Variants in TRDN observed in about 807,000 individuals in gnomAD.
The protein encoded by TRDN is triadin, also known as triadin in skeletal muscle.
Under a neutral mutation model 149.7 loss-of-function variants are expected in TRDN, and 161 were observed. That is an observed-to-expected ratio of 1.08 (90% CI 0.95 to 1.23). TRDN has a LOEUF of 1.23. TRDN is among the 50% of genes most tolerant of loss of function. TRDN has a pLI of 0.00. For synonymous variants in TRDN, 294 were observed against 250.5 expected (o/e 1.17, Z -1.64); for missense variants, 896 against 823.5 (o/e 1.09, Z -1.08).
At chr6:123,529,376 G>T in intron 5 of TRDN, 1 of 1,543,342 alleles carries the variant, frequency 6.5e-7, no homozygotes, top group Admixed American at 2.0e-5. Context: ...ATATAAATAG[G>T]TTTCAACTGA....
rs191944360 is a variant in TRDN, at chr6:123,315,567, T to G, written c.1510+890A>C. On this transcript the variant is annotated intron_variant, in intron 24 of 40. Transcript: ENST00000334268. ...AGATTAAAATTTGTGCAAATGAATATATGCAAAAATTTTTAGACCAACATC... is the reference window on the plus strand; with the variant it reads ...AGATTAAAATTTGTGCAAATGAATAGATGCAAAAATTTTTAGACCAACATC... 3.1e-3 allele frequency among the ~76,000 whole-genome samples: 465 copies of G among 152,056 alleles called. 2 individuals are homozygous for G. Among genetic ancestry groups the G allele is most frequent in the Non-Finnish European group, 5.7e-3 (385 of 67,908 alleles).
chr6:123,588,479 C>T (rs1035489660), intron 1 of TRDN, among the ~76,000 whole-genome samples: 8 of 152,056 alleles, frequency 5.3e-5, no homozygotes, highest in African/African-American at 1.7e-4. Flanking sequence ...TTTGGAGTTC[C>T]CTGGGCAGAG....
intron 4 of TRDN, among the ~76,000 whole-genome samples, chr6:123,545,194 T>C (rs932061161): frequency 3.3e-5 from 5 of 151,920 alleles, no homozygotes; most frequent in African/African-American, 1.2e-4. Context: ...TGTGTAAAAA[T>C]CAAATGTTTT....
intron 12 of TRDN, among the ~76,000 whole-genome samples, chr6:123,421,250 T>C (rs1250074822): frequency 6.6e-6 from 1 of 152,184 alleles, no homozygotes; most frequent in Non-Finnish European, 1.5e-5. Context: ...GTCACCAGCA[T>C]TGTTGTAATT....
intron 12 of TRDN, among the ~76,000 whole-genome samples, chr6:123,396,510 A>T (rs1281796006): frequency 6.6e-6 from 1 of 152,244 alleles, no homozygotes; most frequent in African/African-American, 2.4e-5. Context: ...TAATTCTGAA[A>T]TTGATAAATA....
intron 7 of TRDN, among the ~76,000 whole-genome samples, chr6:123,508,990 TA>T (rs1779047252): frequency 6.6e-6 from 1 of 151,852 alleles, no homozygotes; most frequent in African/African-American, 2.4e-5. Flanking sequence ...CATACACATA[TA>T]AAATAAAAAT....
At position 123,547,338 on chromosome 6, in the gene TRDN, A is replaced by G. The variant is rs902840843; in HGVS notation, c.424+2T>C. The G allele has an allele frequency of 2.3e-5, 33 of 1,455,840 alleles. No individual in the cohort carries two copies. Among genetic ancestry groups the G allele is most frequent in the Non-Finnish European group, 3.0e-5 (33 of 1,096,144 alleles). The allele number at this position is 1,455,840 out of a possible 1,614,324, so 90.2% of individuals were successfully genotyped here. On this transcript the variant is annotated splice_donor_variant, in intron 4 of 40. Transcript: ENST00000334268. LOFTEE classifies it high-confidence loss of function. ...TTATTATCAAAGGTGAAAACAACTA[A>G]CCTTTTTTTCTCAAGGGAGGCTCAT...
At chr6:123,340,481 A>G (rs886133805) in intron 21 of TRDN, among the ~76,000 whole-genome samples, 1 of 152,080 alleles carries the variant, frequency 6.6e-6, no homozygotes, top group Non-Finnish European at 1.5e-5. Context: ...GAACAAAAAA[A>G]GAAAGTGAAA....
chr6:123,393,557 T>G, intron 13 of TRDN, 67 bp downstream of exon 13: 1 of 1,452,278 alleles, frequency 6.9e-7, no homozygotes, highest in Non-Finnish European at 9.3e-7. Flanking sequence ...CAGCTTTTGC[T>G]TTTGTCAATA....
At chr6:123,460,572 G>A (rs1776392165) in intron 10 of TRDN, among the ~76,000 whole-genome samples, 1 of 151,898 alleles carries the variant, frequency 6.6e-6, no homozygotes, top group African/African-American at 2.4e-5. Context: ...TTGACCTGAA[G>A]TTCAATAAAA....
rs1453001428 is a variant in TRDN, at chr6:123,224,246, G to A, written c.1976-115C>T. On this transcript the variant is annotated intron_variant, in intron 38 of 40. Coordinates refer to ENST00000334268, the MANE Select transcript of TRDN (RefSeq NM_006073.4). Reference sequence around the variant, plus strand: ...CAAGATCCCTGAATCTACAAACTCAGCATCTACAGTCTCCATAAATAAGAG... The same window carrying A: ...CAAGATCCCTGAATCTACAAACTCAACATCTACAGTCTCCATAAATAAGAG... 8 of 930,596 alleles carry A rather than the reference G, an allele frequency of 8.6e-6. No homozygotes were observed. In the Admixed American group the frequency reaches 1.5e-4, roughly 18 times the overall value. The allele number at this position is 930,596 out of a possible 1,614,324, so 57.6% of individuals were successfully genotyped here.
intron 38 of TRDN, among the ~76,000 whole-genome samples, chr6:123,242,006 C>A (rs1437187113): frequency 6.6e-6 from 1 of 152,152 alleles, no homozygotes; most frequent in African/African-American, 2.4e-5. Flanking sequence ...TGTTGACTCC[C>A]AGACTACAGC....
intron 38 of TRDN, among the ~76,000 whole-genome samples, chr6:123,226,211 C>G (rs912390345): frequency 6.6e-6 from 1 of 151,806 alleles, no homozygotes; most frequent in African/African-American, 2.4e-5. Flanking sequence ...GCTTAATCAA[C>G]TGCTATAAAT....
intron 20 of TRDN, among the ~76,000 whole-genome samples, chr6:123,358,777 C>T (rs2114328097): frequency 6.6e-6 from 1 of 152,222 alleles, no homozygotes; most frequent in Admixed American, 6.5e-5. Context: ...GCCACCGCGC[C>T]CAGCCTAGTA....
At chr6:123,513,871 T>C (rs1047070430) in intron 6 of TRDN, among the ~76,000 whole-genome samples, 1 of 152,078 alleles carries the variant, frequency 6.6e-6, no homozygotes, top group Non-Finnish European at 1.5e-5. Flanking sequence ...TAATGTGTTC[T>C]ACCTAACTGG....
intron 20 of TRDN, among the ~76,000 whole-genome samples, chr6:123,364,809 T>C (rs1210709665): frequency 2.6e-5 from 4 of 152,180 alleles, no homozygotes; most frequent in African/African-American, 9.7e-5. Context: ...GTCCACTTAC[T>C]GGGCCCATGA....
chr6:123,251,307 C>T (rs762703078), intron 38 of TRDN, among the ~76,000 whole-genome samples: 19 of 151,908 alleles, frequency 1.3e-4, no homozygotes, highest in Non-Finnish European at 1.8e-4. Context: ...CTTCTCTATC[C>T]AATGCTGTAG....
At chr6:123,411,696 T>A (rs1455363663) in intron 12 of TRDN, 1 of 152,132 alleles carries the variant, frequency 6.6e-6, no homozygotes, top group Non-Finnish European at 1.5e-5. Context: ...ACTTTCCCCA[T>A]CCCCTCTACC....
chr6:123,586,341 G>A (rs956853012), intron 1 of TRDN, among the ~76,000 whole-genome samples: 4 of 152,212 alleles, frequency 2.6e-5, no homozygotes, highest in Admixed American at 6.5e-5. Flanking sequence ...TCGGCCTGGC[G>A]AGGAGGGGAG....
Sources: allele counts gnomAD v4.1 joint callset (sites outside exome capture counted in the v4.1 genomes callset), GRCh38; gene constraint gnomAD v4.1.1; transcripts MANE v1.5; gene names NCBI Gene and HGNC (gene_info 2026-07-23, HGNC 2026-07-21).